Variants in RIMS1 observed in about 807,000 individuals in gnomAD.
RIMS1 encodes the protein regulating synaptic membrane exocytosis 1, also known as regulating synaptic membrane exocytosis protein 1.
In RIMS1, 83 loss-of-function variants were observed where a neutral mutation model predicts 214.1. The observed-to-expected ratio is 0.39, with a 90% CI of 0.32 to 0.47. RIMS1 has a LOEUF of 0.47. RIMS1 is among the 20% of genes least tolerant of loss of function. RIMS1 has a pLI of 0.99. For synonymous variants in RIMS1, 793 were observed against 786.8 expected, an observed-to-expected ratio of 1.01 and a Z score of -0.13; for missense variants, 2,050 against 2,161.8, an observed-to-expected ratio of 0.95 and a Z score of 1.03.
At chr6:72,209,291 A>G (rs1451060628) in intron 6 of RIMS1, among the ~76,000 whole-genome samples, 1 of 152,166 alleles carries the variant, frequency 6.6e-6, no homozygotes, top group Non-Finnish European at 1.5e-5. Flanking sequence ...AGTTGCTTCT[A>G]ATGTCCAAAT....
chr6:72,132,483 A>G (rs904789315), intron 4 of RIMS1, among the ~76,000 whole-genome samples: 1 of 152,170 alleles, frequency 6.6e-6, no homozygotes, highest in African/African-American at 2.4e-5. Flanking sequence ...TTTATTGGGT[A>G]CATAATATTA....
intron 6 of RIMS1, among the ~76,000 whole-genome samples, chr6:72,187,273 G>A (rs937779808): frequency 6.6e-6 from 1 of 152,080 alleles, no homozygotes; most frequent in Non-Finnish European, 1.5e-5. Flanking sequence ...ATGTATATGG[G>A]ATCAGTCAGC....
At chr6:71,919,407 G>GA (rs575514914) in intron 1 of RIMS1, among the ~76,000 whole-genome samples, 17 of 148,842 alleles carry the variant, frequency 1.1e-4, no homozygotes, top group East Asian at 7.8e-4. Flanking sequence ...ACACGGGAAG[G>GA]AAAAAAAAAC....
chr6:71,989,824 C>T (rs1801053762), intron 2 of RIMS1, among the ~76,000 whole-genome samples: 1 of 152,186 alleles, frequency 6.6e-6, no homozygotes, highest in South Asian at 2.1e-4. Context: ...ATAAGATGCA[C>T]AGTCTTTGCT....
rs184456013 is a variant in RIMS1, at chr6:72,311,373, G to C, written c.3964-2133G>C. ...ACATATACTCTGTAAATTGAAAACA[G>C]ATCTGATTAAAATGAATTGTGTTAG... On this transcript the variant is annotated intron_variant, in intron 27 of 33. Coordinates refer to ENST00000521978, the MANE Select transcript of RIMS1 (RefSeq NM_014989.7). Among the ~76,000 whole-genome samples the C allele has an allele frequency of 1.6e-4, 25 of 152,260 alleles. No individual in the cohort carries two copies. The East Asian group carries it at 2.3e-3, about 14-fold the overall frequency.
intron 1 of RIMS1, among the ~76,000 whole-genome samples, chr6:71,921,584 C>T (rs1357143100): frequency 6.6e-6 from 1 of 152,182 alleles, no homozygotes; most frequent in Admixed American, 6.6e-5. Flanking sequence ...TGCATTTTGG[C>T]CTTACAGGAA....
At chr6:72,056,738 T>C (rs1015436493) in intron 2 of RIMS1, among the ~76,000 whole-genome samples, 1 of 152,224 alleles carries the variant, frequency 6.6e-6, no homozygotes, top group African/African-American at 2.4e-5. Flanking sequence ...AGTATTCATT[T>C]AGCACTTTTA....
chr6:72,131,465 G>A (rs761171025), intron 4 of RIMS1, among the ~76,000 whole-genome samples: 5 of 152,086 alleles, frequency 3.3e-5, no homozygotes, highest in Admixed American at 6.5e-5. Context: ...ATCACATGTC[G>A]GTATGTTCCG....
chr6:72,123,950 T>G (rs1186632846), intron 4 of RIMS1, among the ~76,000 whole-genome samples: 1 of 151,900 alleles, frequency 6.6e-6, no homozygotes, highest in Non-Finnish European at 1.5e-5. Flanking sequence ...TGTCTTTTAA[T>G]TGGAGCATTT....
At chr6:72,077,494 A>G (rs1300350711) in intron 2 of RIMS1, among the ~76,000 whole-genome samples, 1 of 152,228 alleles carries the variant, frequency 6.6e-6, no homozygotes, top group African/African-American at 2.4e-5. Flanking sequence ...CAGAAGTGCT[A>G]AGGGGCTATG....
intron 22 of RIMS1, among the ~76,000 whole-genome samples, chr6:72,273,892 A>G (rs2084755317): frequency 6.6e-6 from 1 of 152,174 alleles, no homozygotes. Context: ...TTAAATTCAC[A>G]CATCCCCACC....
At chr6:72,054,061 T>C (rs2152178147) in intron 2 of RIMS1, among the ~76,000 whole-genome samples, 1 of 152,204 alleles carries the variant, frequency 6.6e-6, no homozygotes, top group East Asian at 1.9e-4. Context: ...TTGTCCTAAT[T>C]GCTCTCCCTC....
intron 2 of RIMS1, among the ~76,000 whole-genome samples, chr6:72,087,717 G>A (rs986714339): frequency 2.0e-5 from 3 of 152,082 alleles, no homozygotes; most frequent in Non-Finnish European, 4.4e-5. Context: ...TCTTTTGATT[G>A]TGCTTTGTTT....
At chr6:72,089,810 A>G (rs901325417) in intron 2 of RIMS1, among the ~76,000 whole-genome samples, 12 of 144,708 alleles carry the variant, frequency 8.3e-5, no homozygotes, top group African/African-American at 2.7e-4. Context: ...AAAATGTGGC[A>G]CATATACACC....
At chr6:71,969,930 A>C (rs1485730151) in intron 2 of RIMS1, among the ~76,000 whole-genome samples, 1 of 152,146 alleles carries the variant, frequency 6.6e-6, no homozygotes, top group African/African-American at 2.4e-5. Context: ...TTTCATTCAC[A>C]TTTGAAACTC....
chr6:72,035,497 C>G (rs754941244), intron 2 of RIMS1, among the ~76,000 whole-genome samples: 4 of 152,054 alleles, frequency 2.6e-5, no homozygotes, highest in Non-Finnish European at 5.9e-5. Flanking sequence ...GACAAATATC[C>G]AAGTTTCTGT....
chr6:72,078,122 G>A (rs1279020425), intron 2 of RIMS1, among the ~76,000 whole-genome samples: 1 of 152,132 alleles, frequency 6.6e-6, no homozygotes, highest in Non-Finnish European at 1.5e-5. Flanking sequence ...TTAGACTTGA[G>A]AGCATTTCTA....
At chr6:71,900,498 T>G (rs1236679507) in intron 1 of RIMS1, among the ~76,000 whole-genome samples, 1 of 152,102 alleles carries the variant, frequency 6.6e-6, no homozygotes, top group Non-Finnish European at 1.5e-5. Context: ...TCCTGGGGCA[T>G]GTATGTGTAG....
At chr6:71,936,125 C>T (rs999912726) in intron 1 of RIMS1, among the ~76,000 whole-genome samples, 5 of 151,384 alleles carry the variant, frequency 3.3e-5, no homozygotes, top group East Asian at 1.9e-4. Flanking sequence ...CCGAGGCGGG[C>T]GGATCACGAG....
Sources: gnomAD v4.1 joint callset for allele counts (sites outside exome capture counted in the v4.1 genomes callset) on GRCh38, gnomAD v4.1.1 for gene constraint, MANE v1.5 for transcripts, NCBI Gene and HGNC (gene_info 2026-07-23, HGNC 2026-07-21) for gene names.